Variants in PTPRR observed in about 807,000 individuals in gnomAD.
PTPRR encodes protein tyrosine phosphatase receptor type R.
In PTPRR, 38 loss-of-function variants were observed where a neutral mutation model predicts 77.2. That is an observed-to-expected ratio of 0.49 (90% CI 0.38 to 0.65). The LOEUF (loss-of-function observed/expected upper bound fraction) is 0.65. PTPRR is among the 30% of genes least tolerant of loss of function. The pLI is 0.00. For missense variants in PTPRR, 744 were observed against 799.2 expected, an observed-to-expected ratio of 0.93 and a Z score of 0.83; for synonymous variants, 299 against 283.1, an observed-to-expected ratio of 1.06 and a Z score of -0.57.
chr12:70,684,498 T>G (rs989813314), intron 9 of PTPRR, among the ~76,000 whole-genome samples: 2 of 152,148 alleles, frequency 1.3e-5, no homozygotes, highest in African/African-American at 4.8e-5. Flanking sequence ...TATAGAGCAC[T>G]GTTGCCAGAG....
chr12:70,857,587 G>A (rs529435229), intron 2 of PTPRR, among the ~76,000 whole-genome samples: 47 of 152,168 alleles, frequency 3.1e-4, no homozygotes, highest in African/African-American at 1.1e-3. Flanking sequence ...ATATTTGCAG[G>A]GTGAATGTTG....
intron 13 of PTPRR, chr12:70,639,633 G>A: frequency 2.3e-6 from 1 of 438,720 alleles, no homozygotes; most frequent in African/African-American, 2.1e-5. Context: ...ATGCATCTTG[G>A]ACAAATTCCT....
At chr12:70,859,829 T>C (rs145956659) in intron 2 of PTPRR, among the ~76,000 whole-genome samples, 1 of 152,158 alleles carries the variant, frequency 6.6e-6, no homozygotes, top group East Asian at 1.9e-4. Flanking sequence ...AAATAACTCA[T>C]ATGTTTCTGC....
chr12:70,846,776 C>A (rs1892492293), intron 2 of PTPRR, among the ~76,000 whole-genome samples: 1 of 152,116 alleles, frequency 6.6e-6, no homozygotes, highest in Non-Finnish European at 1.5e-5. Flanking sequence ...TTCACAGCCT[C>A]TAGAAATCTA....
intron 2 of PTPRR, among the ~76,000 whole-genome samples, chr12:70,784,513 C>A (rs1453292666): frequency 6.6e-6 from 1 of 152,202 alleles, no homozygotes; most frequent in African/African-American, 2.4e-5. Context: ...CGGAGCACAA[C>A]CTAGCCCCGC....
At chr12:70,789,371 A>G in intron 2 of PTPRR, among the ~76,000 whole-genome samples, 1 of 152,092 alleles carries the variant, frequency 6.6e-6, no homozygotes, top group Admixed American at 6.6e-5. Flanking sequence ...ACTTGGTGCT[A>G]GGGTCTTTAT....
At position 70,745,929 on chromosome 12, in the gene PTPRR, A is replaced by G. The variant is rs776213929; in HGVS notation, c.896T>C (p.Leu299Pro). The stretch of plus-strand genomic sequence containing the variant: ...GCCTTGAGGGTCCACGACAACATTC[A>G]GTACCTTTGGGGCCTGCTCAGGTTG... ...MVQPEQAPKVLNVVVDPQGRG... is the reference protein window; with the variant it reads ...MVQPEQAPKVPNVVVDPQGRG... Residue 299 changes from leucine (L) to proline (P), a missense_variant, in exon 6 of 14, where the codon CTG (leucine) becomes CCG (proline). Coordinates refer to ENST00000283228, the MANE Select transcript of PTPRR (RefSeq NM_002849.4). The G allele has an allele frequency of 1.2e-6, 2 of 1,614,144 alleles. No individual in the cohort carries two copies. The highest frequency in any genetic ancestry group is 1.7e-6 in the Non-Finnish European group (2 of 1,180,032).
intron 2 of PTPRR, among the ~76,000 whole-genome samples, chr12:70,845,499 CT>C (rs1892469429): frequency 6.6e-6 from 1 of 152,204 alleles, no homozygotes; most frequent in South Asian, 2.1e-4. Flanking sequence ...ATTTATAGTG[CT>C]TTTTTATATC....
At position 70,764,735 on chromosome 12, in the gene PTPRR, C is replaced by T. The variant is rs200322188; in HGVS notation, c.401G>A (p.Arg134Gln). ...TGCAGCCACTCCTTGGCGGAAGATC[C>T]GAAGCAAGGTTATGTTCAGCTTGTT... ...DVNKLNITLL[R>Q]IFRQGVAAAL... Residue 134 changes from arginine to glutamine, a missense_variant, in exon 3 of 14, where the codon CGG (arginine) becomes CAG (glutamine). Physicochemically the swap from Arg to Gln is conservative, Grantham distance 43 (BLOSUM62 1). Coordinates refer to ENST00000283228, the MANE Select transcript of PTPRR (RefSeq NM_002849.4). The T allele has an allele frequency of 5.2e-4, 839 of 1,613,882 alleles. No individual in the cohort carries two copies. The highest frequency in any genetic ancestry group is 5.6e-4 in the Non-Finnish European group (661 of 1,179,970).
chr12:70,722,098 C>T (rs898854142), intron 6 of PTPRR, among the ~76,000 whole-genome samples: 8 of 152,090 alleles, frequency 5.3e-5, no homozygotes, highest in Non-Finnish European at 1.0e-4. Flanking sequence ...CTATGCGCCC[C>T]CCGTGGACGC....
intron 2 of PTPRR, among the ~76,000 whole-genome samples, chr12:70,856,503 G>A (rs558053836): frequency 1.3e-5 from 2 of 152,116 alleles, no homozygotes; most frequent in African/African-American, 2.4e-5. Context: ...ATTTTCAGGG[G>A]TAAGATGTTG....
At chr12:70,883,328 G>A (rs1232117358) in intron 2 of PTPRR, among the ~76,000 whole-genome samples, 2 of 152,002 alleles carry the variant, frequency 1.3e-5, no homozygotes, top group Admixed American at 1.3e-4. Flanking sequence ...AGGGGAAACA[G>A]CAAGGATTTG....
intron 3 of PTPRR, 38 bp downstream of exon 3, chr12:70,764,627 G>A (rs371890064): frequency 2.0e-5 from 30 of 1,521,390 alleles, no homozygotes; most frequent in Middle Eastern, 1.7e-4. Context: ...CCACACACAC[G>A]GCTTGAATTT....
At chr12:70,881,490 C>A (rs1893148803) in intron 2 of PTPRR, among the ~76,000 whole-genome samples, 1 of 152,138 alleles carries the variant, frequency 6.6e-6, no homozygotes, top group African/African-American at 2.4e-5. Context: ...GGCCTATCCC[C>A]TCAAAAATGG....
chr12:70,734,175 A>C (rs890849243), intron 6 of PTPRR, among the ~76,000 whole-genome samples: 1 of 149,474 alleles, frequency 6.7e-6, no homozygotes, highest in African/African-American at 2.5e-5. Flanking sequence ...CAACCTATAC[A>C]TCAAGATTTG....
At chr12:70,892,621 C>A in intron 2 of PTPRR, 58 bp downstream of exon 2, 1 of 1,572,724 alleles carries the variant, frequency 6.4e-7, no homozygotes, top group Non-Finnish European at 8.7e-7. Flanking sequence ...TTTTTTCAAG[C>A]ATCAATGACA....
intron 2 of PTPRR, among the ~76,000 whole-genome samples, chr12:70,886,614 A>G (rs1229726483): frequency 6.6e-6 from 1 of 152,246 alleles, no homozygotes; most frequent in Non-Finnish European, 1.5e-5. Context: ...AAGGTTATAG[A>G]TACAAAACAA....
chr12:70,806,819 C>T (rs1011434893), intron 2 of PTPRR, among the ~76,000 whole-genome samples: 4 of 152,162 alleles, frequency 2.6e-5, no homozygotes, highest in Admixed American at 6.6e-5. Context: ...AGAAATTGCT[C>T]TTTTCCTGTC....
At chr12:70,703,233 C>T (rs1037217075) in intron 6 of PTPRR, among the ~76,000 whole-genome samples, 2 of 151,910 alleles carry the variant, frequency 1.3e-5, no homozygotes, top group Non-Finnish European at 2.9e-5. Context: ...TTATATTTGC[C>T]CTCACATCTG....
Sources: gnomAD v4.1 joint callset for allele counts (sites outside exome capture counted in the v4.1 genomes callset) on GRCh38, gnomAD v4.1.1 for gene constraint, MANE v1.5 for transcripts, NCBI Gene and HGNC (gene_info 2026-07-23, HGNC 2026-07-21) for gene names.